Variants in GLUD1 observed in about 807,000 individuals in gnomAD.
GLUD1 encodes glutamate dehydrogenase 1.
A neutral mutation model predicts 56.0 loss-of-function variants in GLUD1; 22 were observed. That is an observed-to-expected ratio of 0.39 (90% confidence interval 0.28 to 0.56). GLUD1 has a LOEUF of 0.56. Among genes scored for constraint, GLUD1 ranks in the 20% least tolerant of loss-of-function variants. The probability of loss-of-function intolerance (pLI) is 0.58; values close to 1 mark genes in which losing one functional copy is unlikely to be tolerated. For synonymous variants in GLUD1, 223 were observed against 269.9 expected (o/e 0.83, Z 1.70); for missense variants, 451 against 732.0 (o/e 0.62, Z 4.43).
chr10:87,053,513 T>C, intron 11 of GLUD1, 109 bp from the exon 12 acceptor site: 1 of 763,852 alleles, frequency 1.3e-6, no homozygotes, highest in Non-Finnish European at 2.4e-6. Context: ...ACAGAATTTT[T>C]TGTCTTTTAG....
chr10:87,093,959 T>C (rs1381239147), intron 1 of GLUD1: 2 of 1,388,536 alleles, frequency 1.4e-6, no homozygotes, highest in African/African-American at 1.4e-5. Context: ...TGACGAGGCA[T>C]TATCACACGG....
At chr10:87,057,927 G>A (rs1244170683) in intron 10 of GLUD1, 145 bp from the exon 11 acceptor site, 3 of 634,090 alleles carry the variant, frequency 4.7e-6, no homozygotes, top group Non-Finnish European at 8.5e-6. Flanking sequence ...GGAGTGTAGA[G>A]GCGTGATCTC....
chr10:87,070,651 C>G (rs1054654653), intron 4 of GLUD1, among the ~76,000 whole-genome samples: 1 of 151,974 alleles, frequency 6.6e-6, no homozygotes, highest in African/African-American at 2.4e-5. Context: ...TGGCAAGTGG[C>G]AAGTCTGAAA....
chr10:87,071,535 C>CT (rs1846238606), intron 4 of GLUD1, among the ~76,000 whole-genome samples: 3 of 152,016 alleles, frequency 2.0e-5, no homozygotes, highest in African/African-American at 7.3e-5. Context: ...AGAAGTTAAT[C>CT]TTTTTTAAAA....
chr10:87,082,338 G>A (rs753700035), intron 1 of GLUD1, among the ~76,000 whole-genome samples: 17 of 152,174 alleles, frequency 1.1e-4, no homozygotes, highest in Non-Finnish European at 2.1e-4. Context: ...TATAACAAAA[G>A]ACATGTTCCG....
In GLUD1 at chr10:87,051,150, T is replaced by G. The variant is rs1845621536; in HGVS notation, c.*601A>C. On this transcript the variant is annotated 3_prime_UTR_variant, in exon 13 of 13. Coordinates refer to ENST00000277865, the MANE Select transcript of GLUD1 (RefSeq NM_005271.5). ...TAGGCATTCACTGTTTGAGTCAAGG[T>G]TAGGCTTGTTAAGTGATTAAAGGCA... The G allele has an allele frequency of 5.9e-6, 1 of 170,672 alleles. No homozygotes were observed. Among genetic ancestry groups the G allele is most frequent in the Non-Finnish European group, 1.4e-5 (1 of 70,510 alleles). The allele number at this position is 170,672 out of a possible 1,614,324, so 10.6% of individuals were successfully genotyped here.
chr10:87,079,856 T>C (rs1347603323), intron 1 of GLUD1, among the ~76,000 whole-genome samples: 1 of 151,526 alleles, frequency 6.6e-6, no homozygotes, highest in East Asian at 1.9e-4. Flanking sequence ...TCACAGGAAA[T>C]AGTAAAACAA....
chr10:87,093,278 C>T (rs1464432712), intron 1 of GLUD1, among the ~76,000 whole-genome samples: 3 of 152,204 alleles, frequency 2.0e-5, no homozygotes, highest in Non-Finnish European at 4.4e-5. Flanking sequence ...AGCCAATCCA[C>T]CTCCAACAAG....
At chr10:87,071,889 G>T (rs1846247917) in intron 4 of GLUD1, among the ~76,000 whole-genome samples, 1 of 152,140 alleles carries the variant, frequency 6.6e-6, no homozygotes, top group Non-Finnish European at 1.5e-5. Flanking sequence ...TCTACAATGA[G>T]AACTACAAAA....
chr10:87,091,603 G>A lies in GLUD1; in HGVS notation c.445+2722C>T, dbSNP rs552555782. ...AATCCTTAACACAGACAAATCTAAC[G>A]GCCTCAGGTACATGTAGTAACTGGG... On this transcript the variant is annotated intron_variant, in intron 1 of 12. Transcript: ENST00000277865. The A allele has an allele frequency of 8.0e-5, 78 of 970,242 alleles. No individual in the cohort carries two copies. The African/African-American group carries it at 1.3e-3, about 16-fold the overall frequency. 60.1% of individuals were successfully genotyped at this position (970,242 alleles called of 1,614,324 possible). A position where few individuals can be genotyped will look rare whatever the true frequency, so the allele number is the denominator to read the frequency against.
intron 4 of GLUD1, among the ~76,000 whole-genome samples, chr10:87,073,619 T>C (rs1846300409): frequency 7.5e-6 from 1 of 134,172 alleles, no homozygotes; most frequent in Non-Finnish European, 1.6e-5. Flanking sequence ...TCTTTTTTTT[T>C]TTTTTTTTTT....
chr10:87,071,328 G>A (rs1253007418), intron 4 of GLUD1, among the ~76,000 whole-genome samples: 1 of 151,854 alleles, frequency 6.6e-6, no homozygotes, highest in Non-Finnish European at 1.5e-5. Flanking sequence ...GAGTAGCTGG[G>A]ATTACAGGTA....
At chr10:87,075,361 C>T (rs185823964) in intron 3 of GLUD1, among the ~76,000 whole-genome samples, 56 of 151,964 alleles carry the variant, frequency 3.7e-4, no homozygotes, top group Admixed American at 1.2e-3. Context: ...ATATTAATTA[C>T]GTTTTAACTA....
intron 8 of GLUD1, 104 bp from the exon 9 acceptor site, chr10:87,060,345 GCA>G (rs907133568): frequency 4.9e-5 from 41 of 839,302 alleles, no homozygotes; most frequent in African/African-American, 4.0e-4. Flanking sequence ...GTGGGGAGAA[GCA>G]CAGTTTCAGT....
chr10:87,076,655 AC>A lies in GLUD1; in HGVS notation c.446del (p.Gly149ValfsTer8). The A allele has an allele frequency of 1.3e-6, 2 of 1,590,330 alleles. No individual in the cohort carries two copies. Among genetic ancestry groups the A allele is most frequent in the Non-Finnish European group, 1.7e-6 (2 of 1,158,252 alleles). Reference protein sequence around the residue: ...HSQHRTPCKGGIRYSTDVSVD... With the variant: ...HSQHRTPCKGXIRYSTDVSVD... ...CACTCACATCAGTGCTGTAACGGAT[AC>A]CTGGTGGTGTTTTTAAAAAAATGTG... is the stretch of plus-strand genomic sequence containing the variant. On this transcript the variant is annotated frameshift_variant and splice_region_variant, in exon 2 of 13. Transcript: ENST00000277865. LOFTEE classifies it high-confidence loss of function.
chr10:87,085,368 A>G (rs914987417), intron 1 of GLUD1, among the ~76,000 whole-genome samples: 2 of 146,732 alleles, frequency 1.4e-5, no homozygotes, highest in African/African-American at 5.1e-5. Flanking sequence ...AAAAAAAACC[A>G]GAAAAATTAT....
chr10:87,093,366 T>C (rs1447665732), intron 1 of GLUD1, among the ~76,000 whole-genome samples: 1 of 152,220 alleles, frequency 6.6e-6, no homozygotes, highest in Admixed American at 6.5e-5. Context: ...GTCCTTTCCA[T>C]TTTATGTTAC....
At chr10:87,056,137 A>C (rs1358286307) in intron 11 of GLUD1, among the ~76,000 whole-genome samples, 2 of 150,064 alleles carry the variant, frequency 1.3e-5, no homozygotes, top group Non-Finnish European at 3.0e-5. Flanking sequence ...AAAAAAAAAA[A>C]AAACCAAAAA....
chr10:87,075,385 TAAAAC>T (rs1846357475), intron 3 of GLUD1, among the ~76,000 whole-genome samples: 1 of 151,638 alleles, frequency 6.6e-6, no homozygotes, highest in Admixed American at 6.6e-5. Flanking sequence ...AAGAAAATAA[TAAAAC>T]AAAAAGCAAA....
Sources: allele counts gnomAD v4.1 joint callset (sites outside exome capture counted in the v4.1 genomes callset), GRCh38; gene constraint gnomAD v4.1.1; transcripts MANE v1.5; gene names NCBI Gene and HGNC (gene_info 2026-07-23, HGNC 2026-07-21).